PRELID2: variants seen among roughly 807,000 people sequenced by gnomAD.
PRELID2 encodes PRELI domain containing 2, also known as PRELI domain-containing protein 2.
A neutral mutation model predicts 28.4 loss-of-function variants in PRELID2; 25 were observed. The ratio of observed to expected loss-of-function variants is 0.88; its 90% CI spans 0.64 to 1.23. The LOEUF is 1.23. Ranked by LOEUF, PRELID2 falls within the 50% of genes most tolerant of loss-of-function variation. PRELID2 has a pLI of 0.00. For synonymous variants in PRELID2, 76 were observed against 71.6 expected (o/e 1.06, Z -0.31); for missense variants, 201 against 214.4 (o/e 0.94, Z 0.39).
chr5:145,349,943 T>C, the PRELID2 span, among the ~76,000 whole-genome samples: 6 of 152,168 alleles, frequency 3.9e-5, no homozygotes, highest in African/African-American at 9.7e-5. Context: ...GCTCATATTA[T>C]GTGCCAAAGA....
chr5:145,644,950 T>C (rs1267290844), intron 1 of PRELID2, among the ~76,000 whole-genome samples: 1 of 152,212 alleles, frequency 6.6e-6, no homozygotes, highest in East Asian at 1.9e-4. Context: ...TGGTCAATTT[T>C]AGAATAAGTG....
chr5:145,740,827 AAT>A (rs1479645481), intron 1 of PRELID2, among the ~76,000 whole-genome samples: 5 of 75,742 alleles, frequency 6.6e-5, no homozygotes, highest in Non-Finnish European at 6.8e-5. Flanking sequence ...CATATATACA[AAT>A]ATATATTTAT....
chr5:145,432,958 A>C, the PRELID2 span, among the ~76,000 whole-genome samples: 3 of 152,160 alleles, frequency 2.0e-5, no homozygotes, highest in Non-Finnish European at 4.4e-5. Flanking sequence ...TGACGTAAAT[A>C]TCCAGCTTTA....
intron 1 of PRELID2, among the ~76,000 whole-genome samples, chr5:145,508,433 G>A (rs544367870): frequency 1.3e-5 from 2 of 152,182 alleles, no homozygotes; most frequent in African/African-American, 4.8e-5. Context: ...ATGTTTAATG[G>A]AGGTAAAAAA....
chr5:145,335,063 T>A, the PRELID2 span, among the ~76,000 whole-genome samples: 3 of 152,106 alleles, frequency 2.0e-5, no homozygotes, highest in African/African-American at 7.2e-5. Context: ...TTTTATCTCC[T>A]TTATCTTTCT....
chr5:145,230,014 A>G, the PRELID2 span: 1 of 724,460 alleles, frequency 1.4e-6, no homozygotes, highest in Non-Finnish European at 2.6e-6. Context: ...CTCAGACTGA[A>G]GGAATACCAT....
At chr5:145,501,470 C>G (rs1217104869) in intron 1 of PRELID2, among the ~76,000 whole-genome samples, 1 of 152,086 alleles carries the variant, frequency 6.6e-6, no homozygotes, top group Non-Finnish European at 1.5e-5. Flanking sequence ...GTGGGAGAGA[C>G]CCGGTGGGAG....
the PRELID2 span, among the ~76,000 whole-genome samples, chr5:145,347,947 A>G: frequency 6.6e-6 from 1 of 152,118 alleles, no homozygotes; most frequent in Non-Finnish European, 1.5e-5. Context: ...TTTTGATTCA[A>G]ATGGTTCCCA....
At chr5:145,753,567 C>T (rs1415686975), downstream of PRELID2, among the ~76,000 whole-genome samples, 2 of 152,158 alleles carry the variant, frequency 1.3e-5, no homozygotes, top group African/African-American at 4.8e-5. Context: ...CTTCCTTCTC[C>T]AGCAAGCTTC....
At chr5:145,816,378 A>G (rs948966319) in intron 4 of PRELID2, among the ~76,000 whole-genome samples, 1 of 152,002 alleles carries the variant, frequency 6.6e-6, no homozygotes, top group African/African-American at 2.4e-5. Flanking sequence ...CACCACGCCC[A>G]GCCTGTTTTT....
chr5:145,502,255 G>T (rs1335101764), intron 1 of PRELID2, among the ~76,000 whole-genome samples: 1 of 152,042 alleles, frequency 6.6e-6, no homozygotes, highest in Non-Finnish European at 1.5e-5. Flanking sequence ...GAGGAGAGGT[G>T]CTACCTACTT....
chr5:145,507,477 G>C (rs1411888865), intron 1 of PRELID2, among the ~76,000 whole-genome samples: 1 of 152,110 alleles, frequency 6.6e-6, no homozygotes, highest in East Asian at 1.9e-4. Flanking sequence ...CCAATGTAGA[G>C]TCTCTTAATG....
downstream of PRELID2, among the ~76,000 whole-genome samples, chr5:145,751,755 G>A (rs949284190): frequency 6.6e-6 from 1 of 152,198 alleles, no homozygotes; most frequent in Non-Finnish European, 1.5e-5. Flanking sequence ...GCCGAGGCGG[G>A]TGGATCACCT....
intron 4 of PRELID2, among the ~76,000 whole-genome samples, chr5:145,810,286 A>T (rs1753837979): frequency 6.6e-6 from 1 of 152,178 alleles, no homozygotes; most frequent in Admixed American, 6.5e-5. Flanking sequence ...ATAGAGCATG[A>T]GCATGGCATC....
At chr5:145,740,030 G>A (rs988060695) in intron 1 of PRELID2, among the ~76,000 whole-genome samples, 1 of 150,556 alleles carries the variant, frequency 6.6e-6, no homozygotes, top group African/African-American at 2.4e-5. Flanking sequence ...CACAAATTAA[G>A]TCATAAACTG....
At chr5:145,581,479 C>T (rs898968999) in intron 1 of PRELID2, among the ~76,000 whole-genome samples, 1 of 152,046 alleles carries the variant, frequency 6.6e-6, no homozygotes, top group Non-Finnish European at 1.5e-5. Context: ...AAGTCTCTTG[C>T]AGGTTTTTAA....
Position 145,729,707 on chromosome 5 carries a change from C to T in PRELID2, n.70+35224G>A, listed in dbSNP as rs879803640. Reference sequence around the variant, plus strand: ...GCTTTTACATGCTCTAGCATTCCTTCACCGGGGTCTTTCTTGCCCCATGTT... The same window carrying T: ...GCTTTTACATGCTCTAGCATTCCTTTACCGGGGTCTTTCTTGCCCCATGTT... On this transcript the variant is annotated intron_variant and non_coding_transcript_variant, in intron 1 of 2. Transcript: ENST00000510259. 1.3e-5 allele frequency among the ~76,000 whole-genome samples: 2 copies of T among 152,188 alleles called. 1 individual carries two copies. The highest frequency in any genetic ancestry group is 4.8e-5 in the African/African-American group (2 of 41,458).
intron 1 of PRELID2, among the ~76,000 whole-genome samples, chr5:145,608,945 T>G (rs1753567487): frequency 6.6e-6 from 1 of 152,216 alleles, no homozygotes. Flanking sequence ...TTCTTCTTTA[T>G]TTGTTCATTC....
chr5:145,438,312 G>C, the PRELID2 span, among the ~76,000 whole-genome samples: 1 of 152,024 alleles, frequency 6.6e-6, no homozygotes, highest in Non-Finnish European at 1.5e-5. Context: ...GAAGCAAATA[G>C]AGTATATTAT....
Sources: allele counts gnomAD v4.1 joint callset (sites outside exome capture counted in the v4.1 genomes callset), GRCh38; gene constraint gnomAD v4.1.1; transcripts MANE v1.5; gene names NCBI Gene and HGNC (gene_info 2026-07-23, HGNC 2026-07-21).